The following CPQ variants were observed in gnomAD, a reference collection of about 807,000 sequenced individuals.
CPQ encodes Ser-Met dipeptidase.
CPQ carries 37 observed loss-of-function variants against 45.7 expected under a neutral mutation model. The observed-to-expected ratio is 0.81, with a 90% CI of 0.62 to 1.07. The LOEUF (loss-of-function observed/expected upper bound fraction) is 1.07. CPQ is among the 50% of genes least tolerant of loss of function. The probability of loss-of-function intolerance (pLI) is 0.00; values close to 1 mark genes in which losing one functional copy is unlikely to be tolerated. For missense variants in CPQ, 537 were observed against 572.9 expected, an observed-to-expected ratio of 0.94 and a Z score of 0.64; for synonymous variants, 186 against 205.8, an observed-to-expected ratio of 0.90 and a Z score of 0.82.
chr8:96,889,844 T>C (rs1812350176), intron 4 of CPQ, among the ~76,000 whole-genome samples: 1 of 152,148 alleles, frequency 6.6e-6, no homozygotes, highest in Non-Finnish European at 1.5e-5. Context: ...TCACTGGCCA[T>C]TGCTTAGATG....
intron 1 of CPQ, among the ~76,000 whole-genome samples, chr8:96,761,665 A>C (rs1053294321): frequency 6.6e-6 from 1 of 152,316 alleles, no homozygotes; most frequent in South Asian, 2.1e-4. Context: ...TGAGCACATC[A>C]TTTATCATCT....
At chr8:96,837,638 GA>G (rs1216518158) in intron 3 of CPQ, among the ~76,000 whole-genome samples, 1 of 152,028 alleles carries the variant, frequency 6.6e-6, no homozygotes, top group African/African-American at 2.4e-5. Flanking sequence ...GATGTGACTT[GA>G]ACCACAATCT....
chr8:97,027,261 G>T (rs1809819602), intron 5 of CPQ, among the ~76,000 whole-genome samples: 2 of 152,062 alleles, frequency 1.3e-5, no homozygotes, highest in African/African-American at 2.4e-5. Flanking sequence ...AATGTGGGCA[G>T]GTGGTTTGAC....
At chr8:97,025,053 T>G (rs568260729) in intron 5 of CPQ, among the ~76,000 whole-genome samples, 2 of 152,310 alleles carry the variant, frequency 1.3e-5, no homozygotes, top group South Asian at 4.1e-4. Context: ...ATTTCATGAT[T>G]TAGGAAAGCT....
At chr8:96,974,835 C>T (rs1221442433) in intron 5 of CPQ, among the ~76,000 whole-genome samples, 1 of 151,658 alleles carries the variant, frequency 6.6e-6, no homozygotes, top group Middle Eastern at 3.2e-3. Flanking sequence ...GTGACGCAGC[C>T]TATCAAAACC....
intron 1 of CPQ, among the ~76,000 whole-genome samples, chr8:96,720,407 G>A (rs890274810): frequency 6.6e-6 from 1 of 152,180 alleles, no homozygotes; most frequent in Non-Finnish European, 1.5e-5. Flanking sequence ...AGTTTCATGT[G>A]TGTGTGTTTT....
intron 4 of CPQ, among the ~76,000 whole-genome samples, chr8:96,949,510 A>G (rs979061196): frequency 3.3e-5 from 5 of 151,994 alleles, no homozygotes; most frequent in Non-Finnish European, 5.9e-5. Context: ...ACCCTTGCCA[A>G]TGGTGATATT....
chr8:97,103,495 TG>T (rs1488068135), intron 7 of CPQ, among the ~76,000 whole-genome samples: 3 of 152,136 alleles, frequency 2.0e-5, no homozygotes. Context: ...GAAAGAAAGA[TG>T]AAATCTGATA....
At chr8:96,685,763 TTG>T (rs1222752073) in intron 1 of CPQ, among the ~76,000 whole-genome samples, 10 of 152,168 alleles carry the variant, frequency 6.6e-5, no homozygotes, top group African/African-American at 2.2e-4. Flanking sequence ...ATAGTGTTAA[TTG>T]TGTGTGTGTG....
At chr8:97,057,581 G>A (rs1417700779) in intron 6 of CPQ, among the ~76,000 whole-genome samples, 4 of 152,142 alleles carry the variant, frequency 2.6e-5, no homozygotes, top group African/African-American at 9.7e-5. Flanking sequence ...TTAAGGCTGT[G>A]TCAAAATGTT....
At chr8:97,082,186 C>G (rs1810961412) in intron 7 of CPQ, among the ~76,000 whole-genome samples, 1 of 152,172 alleles carries the variant, frequency 6.6e-6, no homozygotes, top group Admixed American at 6.6e-5. Flanking sequence ...TATTCTCTCT[C>G]TCTTTCTCTC....
At chr8:96,896,146 G>A (rs1458717981) in intron 4 of CPQ, among the ~76,000 whole-genome samples, 3 of 152,076 alleles carry the variant, frequency 2.0e-5, no homozygotes, top group African/African-American at 7.2e-5. Flanking sequence ...TCCTTCAGGG[G>A]ATATTGTACA....
chr8:96,660,131 G>T (rs1448624174), intron 1 of CPQ, among the ~76,000 whole-genome samples: 2 of 152,180 alleles, frequency 1.3e-5, no homozygotes, highest in Non-Finnish European at 1.5e-5. Context: ...TGCAGACTGG[G>T]TAGGTTAAAC....
At chr8:96,782,234 T>G (rs1810696658) in intron 1 of CPQ, among the ~76,000 whole-genome samples, 1 of 152,140 alleles carries the variant, frequency 6.6e-6, no homozygotes, top group Admixed American at 6.5e-5. Context: ...AAAATCTAGG[T>G]GAAGGTAGCC....
At chr8:96,692,441 G>A (rs1231740044) in intron 1 of CPQ, among the ~76,000 whole-genome samples, 1 of 151,104 alleles carries the variant, frequency 6.6e-6, no homozygotes, top group African/African-American at 2.4e-5. Flanking sequence ...GTGACTGCAG[G>A]GTTGCTTGTG....
intron 5 of CPQ, among the ~76,000 whole-genome samples, chr8:97,013,296 CAAT>C (rs748517315): frequency 2.0e-5 from 3 of 151,746 alleles, no homozygotes; most frequent in Middle Eastern, 3.4e-3. Context: ...CAAGTAATAA[CAAT>C]AATAATAATA....
At chr8:96,781,622 A>G (rs1810686222) in intron 1 of CPQ, among the ~76,000 whole-genome samples, 1 of 152,192 alleles carries the variant, frequency 6.6e-6, no homozygotes, top group Non-Finnish European at 1.5e-5. Context: ...TTTTTCTTAC[A>G]TACAAAACAC....
intron 1 of CPQ, among the ~76,000 whole-genome samples, chr8:96,725,198 A>G (rs1332776409): frequency 1.3e-5 from 2 of 152,234 alleles, no homozygotes; most frequent in East Asian, 3.8e-4. Context: ...TAAGTCCTCA[A>G]AAACAATTGC....
At chr8:96,816,068 C>T (rs530816153) in intron 2 of CPQ, among the ~76,000 whole-genome samples, 1 of 152,118 alleles carries the variant, frequency 6.6e-6, no homozygotes, top group South Asian at 2.1e-4. Context: ...AAGTTTGCTG[C>T]AATGAATGAT....
Sources: gnomAD v4.1 joint callset for allele counts (sites outside exome capture counted in the v4.1 genomes callset) on GRCh38, gnomAD v4.1.1 for gene constraint, MANE v1.5 for transcripts, NCBI Gene and HGNC (gene_info 2026-07-23, HGNC 2026-07-21) for gene names.